Variants in NCKAP5 observed in about 807,000 individuals in gnomAD.
NCKAP5 encodes the protein nck-associated protein 5.
A neutral mutation model predicts 167.0 loss-of-function variants in NCKAP5; 92 were observed. The ratio of observed to expected loss-of-function variants is 0.55; its 90% CI spans 0.47 to 0.66. The LOEUF is 0.66. Among genes scored for constraint, NCKAP5 ranks in the 30% least tolerant of loss-of-function variants. The probability of loss-of-function intolerance (pLI) is 0.00; values close to 1 mark genes in which losing one functional copy is unlikely to be tolerated. For synonymous variants in NCKAP5, 891 were observed against 877.4 expected (o/e 1.02, Z -0.27); for missense variants, 2,378 against 2,315.0 (o/e 1.03, Z -0.56).
At chr2:133,340,374 C>T (rs1487140452) in intron 3 of NCKAP5, among the ~76,000 whole-genome samples, 1 of 152,116 alleles carries the variant, frequency 6.6e-6, no homozygotes, top group Non-Finnish European at 1.5e-5. Context: ...TTTCCTCTGG[C>T]CAGACTAAGT....
intron 8 of NCKAP5, among the ~76,000 whole-genome samples, chr2:132,927,885 C>A (rs906817888): frequency 6.6e-6 from 1 of 152,074 alleles, no homozygotes; most frequent in Non-Finnish European, 1.5e-5. Flanking sequence ...TCCTTCTATA[C>A]CTTCTACTCT....
chr2:133,532,138 TAGC>T lies in NCKAP5; in HGVS notation c.-61-14554_-61-14552del, dbSNP rs549369413. On this transcript the variant is annotated intron_variant, in intron 2 of 19. Coordinates refer to ENST00000409261, the MANE Select transcript of NCKAP5 (RefSeq NM_207363.3). ...TGTAATTGTTTTTCACTTAATGTTA[TAGC>T]AGCAAGATTTATCCATGCTGATAAG... Among the ~76,000 whole-genome samples the T allele has an allele frequency of 8.5e-5, 13 of 152,384 alleles. No homozygotes were observed. In the East Asian group the frequency reaches 2.1e-3, roughly 25 times the overall value.
the NCKAP5 span, among the ~76,000 whole-genome samples, chr2:133,600,759 G>A: frequency 6.6e-6 from 1 of 152,200 alleles, no homozygotes; most frequent in Admixed American, 6.5e-5. Flanking sequence ...GCCCTGATGT[G>A]CGAAGCTCCA....
At chr2:133,524,496 T>C (rs1020202206) in intron 2 of NCKAP5, among the ~76,000 whole-genome samples, 1 of 152,188 alleles carries the variant, frequency 6.6e-6, no homozygotes, top group African/African-American at 2.4e-5. Flanking sequence ...CAAGTTAATG[T>C]ACGTATATCA....
intron 3 of NCKAP5, among the ~76,000 whole-genome samples, chr2:133,388,110 A>C (rs548540564): frequency 6.6e-6 from 1 of 152,190 alleles, no homozygotes; most frequent in Non-Finnish European, 1.5e-5. Context: ...TTGGAGGAAG[A>C]GAGGTGCTCT....
chr2:133,450,125 G>A (rs1186210935), intron 3 of NCKAP5, among the ~76,000 whole-genome samples: 3 of 143,592 alleles, frequency 2.1e-5, no homozygotes, highest in East Asian at 1.9e-4. Flanking sequence ...CAACACACAC[G>A]CACACACACG....
At chr2:132,968,909 G>A (rs1482057184) in intron 7 of NCKAP5, among the ~76,000 whole-genome samples, 1 of 152,122 alleles carries the variant, frequency 6.6e-6, no homozygotes, top group Non-Finnish European at 1.5e-5. Context: ...AGAAGAGGGA[G>A]CACCAGAGAG....
chr2:132,934,222 C>G (rs2149071791), intron 8 of NCKAP5, among the ~76,000 whole-genome samples: 1 of 152,264 alleles, frequency 6.6e-6, no homozygotes, highest in Non-Finnish European at 1.5e-5. Context: ...TTATTAGATA[C>G]CTCTGGTGAT....
At chr2:132,714,760 C>A (rs1689196427) in intron 19 of NCKAP5, 2 of 410,524 alleles carry the variant, frequency 4.9e-6, no homozygotes, top group South Asian at 1.8e-5. Context: ...TTGCAGTGAG[C>A]CGAGATCATG....
At chr2:133,509,224 C>T (rs1683274941) in intron 3 of NCKAP5, among the ~76,000 whole-genome samples, 1 of 152,206 alleles carries the variant, frequency 6.6e-6, no homozygotes, top group Non-Finnish European at 1.5e-5. Flanking sequence ...TGTACAAATG[C>T]ATATAACATA....
chr2:133,112,690 A>G (rs2081955329), intron 6 of NCKAP5, among the ~76,000 whole-genome samples: 2 of 152,244 alleles, frequency 1.3e-5, no homozygotes, highest in Admixed American at 1.3e-4. Flanking sequence ...ATCTGCAGTA[A>G]GACTCAGAAG....
At chr2:132,771,975 G>A (rs1682114135) in intron 16 of NCKAP5, among the ~76,000 whole-genome samples, 1 of 151,370 alleles carries the variant, frequency 6.6e-6, no homozygotes. Flanking sequence ...ACAGGTGTGA[G>A]CCACTGCACC....
At chr2:133,166,918 A>G (rs1262138223) in intron 5 of NCKAP5, among the ~76,000 whole-genome samples, 1 of 152,200 alleles carries the variant, frequency 6.6e-6, no homozygotes, top group Non-Finnish European at 1.5e-5. Flanking sequence ...GTTTATGATC[A>G]GCAGGCTACA....
rs149098465 is a variant in NCKAP5 at position 133,240,000 on chromosome 2, C to A, written c.144-26221G>T. 4.4e-4 allele frequency among the ~76,000 whole-genome samples: 67 copies of A among 152,158 alleles called. 1 individual carries two copies. The highest frequency in any genetic ancestry group is 1.5e-3 in the African/African-American group (62 of 41,496). Reference sequence around the variant, plus strand: ...AAATAACCCTTACCAAAACTGAAATCATATTTTCTCAAATCATATTTTAAC... The same window carrying A: ...AAATAACCCTTACCAAAACTGAAATAATATTTTCTCAAATCATATTTTAAC... On this transcript the variant is annotated intron_variant, in intron 4 of 19. Coordinates refer to ENST00000409261, the MANE Select transcript of NCKAP5 (RefSeq NM_207363.3).
the NCKAP5 span, among the ~76,000 whole-genome samples, chr2:133,585,019 A>G: frequency 6.7e-6 from 1 of 148,150 alleles, no homozygotes; most frequent in Non-Finnish European, 1.5e-5. Context: ...AGAAAAGAAA[A>G]GAAAAGAAAG....
intron 3 of NCKAP5, among the ~76,000 whole-genome samples, chr2:133,347,119 A>T (rs1048412335): frequency 6.6e-6 from 1 of 152,244 alleles, no homozygotes; most frequent in Admixed American, 6.5e-5. Flanking sequence ...CATAGAGATA[A>T]GGCTGGAAGG....
intron 16 of NCKAP5, among the ~76,000 whole-genome samples, chr2:132,744,626 T>A (rs1396764051): frequency 7.5e-6 from 1 of 133,318 alleles, no homozygotes; most frequent in Non-Finnish European, 1.6e-5. Flanking sequence ...GAGCTGAAAT[T>A]AAGAAAATTA....
intron 3 of NCKAP5, among the ~76,000 whole-genome samples, chr2:133,307,552 A>C (rs1265153125): frequency 1.3e-5 from 2 of 152,216 alleles, no homozygotes; most frequent in Non-Finnish European, 2.9e-5. Context: ...ATAGCTCAAC[A>C]AGGAGCAAAA....
chr2:133,374,847 A>C (rs915317400), intron 3 of NCKAP5, among the ~76,000 whole-genome samples: 1 of 152,218 alleles, frequency 6.6e-6, no homozygotes, highest in African/African-American at 2.4e-5. Context: ...TCACAACTGG[A>C]GAAGTAATCA....
Sources: gnomAD v4.1 joint callset for allele counts (sites outside exome capture counted in the v4.1 genomes callset) on GRCh38, gnomAD v4.1.1 for gene constraint, MANE v1.5 for transcripts, NCBI Gene and HGNC (gene_info 2026-07-23, HGNC 2026-07-21) for gene names.